FSTL4: variants seen among roughly 807,000 people sequenced by gnomAD.
FSTL4 encodes follistatin like 4, also known as follistatin-related protein 4.
FSTL4 carries 28 observed loss-of-function variants against 78.2 expected under a neutral mutation model. The observed-to-expected ratio is 0.36, with a 90% CI of 0.27 to 0.49. The LOEUF (loss-of-function observed/expected upper bound fraction) is 0.49, where lower values mean the gene tolerates loss of function less well. Ranked by LOEUF, FSTL4 falls within the 20% of genes least tolerant of loss-of-function variation. The probability of loss-of-function intolerance (pLI) is 0.98; values close to 1 mark genes in which losing one functional copy is unlikely to be tolerated. For missense variants in FSTL4, 922 were observed against 1,084.9 expected, an observed-to-expected ratio of 0.85 and a Z score of 2.11; for synonymous variants, 422 against 440.5, an observed-to-expected ratio of 0.96 and a Z score of 0.53.
chr5:133,566,421 G>C (rs1009758582), intron 3 of FSTL4, among the ~76,000 whole-genome samples: 4 of 152,144 alleles, frequency 2.6e-5, no homozygotes, highest in African/African-American at 9.7e-5. Context: ...CCACAGAGAA[G>C]GATGTGGTGA....
At chr5:133,516,669 A>G (rs1758857256) in intron 3 of FSTL4, among the ~76,000 whole-genome samples, 1 of 152,218 alleles carries the variant, frequency 6.6e-6, no homozygotes, top group Admixed American at 6.5e-5. Flanking sequence ...TCATGTGGAA[A>G]ACATTTCTAA....
At chr5:133,257,777 G>A (rs1489198958) in intron 6 of FSTL4, among the ~76,000 whole-genome samples, 1 of 152,138 alleles carries the variant, frequency 6.6e-6, no homozygotes, top group Non-Finnish European at 1.5e-5. Flanking sequence ...CCTGTGTGTG[G>A]GGTAGCCTTG....
At chr5:133,499,521 C>G (rs1758444761) in intron 3 of FSTL4, among the ~76,000 whole-genome samples, 1 of 152,082 alleles carries the variant, frequency 6.6e-6, no homozygotes, top group Admixed American at 6.5e-5. Context: ...TTGGAATTAC[C>G]AACTGCTTCC....
the FSTL4 span, among the ~76,000 whole-genome samples, chr5:133,739,461 CTG>C: frequency 6.6e-6 from 1 of 152,102 alleles, no homozygotes; most frequent in East Asian, 1.9e-4. Flanking sequence ...TTGGGAAAAT[CTG>C]TGTTTATCTC....
At chr5:133,500,812 T>C (rs1198900744) in intron 3 of FSTL4, among the ~76,000 whole-genome samples, 1 of 152,148 alleles carries the variant, frequency 6.6e-6, no homozygotes, top group Non-Finnish European at 1.5e-5. Flanking sequence ...GATGATCATA[T>C]AATAATTTAG....
intron 3 of FSTL4, among the ~76,000 whole-genome samples, chr5:133,484,464 C>T (rs896409161): frequency 6.6e-6 from 1 of 152,122 alleles, no homozygotes; most frequent in Non-Finnish European, 1.5e-5. Context: ...TCTACTAGCC[C>T]ACATGAGAGA....
intron 2 of FSTL4, among the ~76,000 whole-genome samples, chr5:133,568,733 C>T (rs1191954934): frequency 1.3e-5 from 2 of 152,192 alleles, no homozygotes; most frequent in South Asian, 4.1e-4. Context: ...CCAAACTGTT[C>T]CTCAGTAACC....
At chr5:133,738,997 TG>T in the FSTL4 span, among the ~76,000 whole-genome samples, 2 of 152,150 alleles carry the variant, frequency 1.3e-5, no homozygotes, top group Admixed American at 1.3e-4. Context: ...CTTACTAGGC[TG>T]GGGTTTACTG....
At chr5:133,765,519 G>A in the FSTL4 span, among the ~76,000 whole-genome samples, 3,954 of 152,308 alleles carry the variant, frequency 0.026, 133 homozygotes, top group African/African-American at 0.081. Context: ...CTGACCAGCT[G>A]TGACCTCAGG....
the FSTL4 span, among the ~76,000 whole-genome samples, chr5:133,773,064 T>C: frequency 6.6e-3 from 998 of 152,184 alleles, 15 homozygotes; most frequent in African/African-American, 0.023. Context: ...GTTTAATTTG[T>C]TCTAATACAG....
chr5:133,698,274 C>G, the FSTL4 span, among the ~76,000 whole-genome samples: 1 of 152,164 alleles, frequency 6.6e-6, no homozygotes, highest in Non-Finnish European at 1.5e-5. Flanking sequence ...CCAGAAGCTT[C>G]CAGAGATGGC....
chr5:133,537,094 T>C (rs991311929), intron 3 of FSTL4, among the ~76,000 whole-genome samples: 9 of 152,238 alleles, frequency 5.9e-5, no homozygotes, highest in African/African-American at 1.9e-4. Context: ...CAGCAGTGTC[T>C]TGTGCTATTT....
Position 133,199,251 on chromosome 5 carries a change from G to C in FSTL4, c.2373C>G (p.Thr791=). 6.2e-7 allele frequency: 1 copy of C among 1,613,748 alleles called. No individual in the cohort carries two copies. Among genetic ancestry groups the C allele is most frequent in the Non-Finnish European group, 8.5e-7 (1 of 1,179,706 alleles). Residue 791 remains threonine, a synonymous_variant, in exon 16 of 16, where the codon ACC becomes ACG. Coordinates refer to ENST00000265342, the MANE Select transcript of FSTL4 (RefSeq NM_015082.2). This position sits in a 1 kb window ranked among gnomAD's most constrained non-coding sequence, Gnocchi z 4.4. ...PAGPAQPWGG[T]HRIMRDSGLF... is the part of the protein sequence containing the mutation. Reference sequence around the variant, plus strand: ...GCCCACTGTCCCTCATGATTCTGTGGGTACCCCCCCAGGGCTGAGCTGGCC... The same window carrying C: ...GCCCACTGTCCCTCATGATTCTGTGCGTACCCCCCCAGGGCTGAGCTGGCC...
At chr5:133,795,678 A>T in the FSTL4 span, among the ~76,000 whole-genome samples, 1 of 152,066 alleles carries the variant, frequency 6.6e-6, no homozygotes, top group Non-Finnish European at 1.5e-5. Flanking sequence ...ATCTTAGAAG[A>T]CTCTACCGCC....
chr5:133,749,765 A>T, the FSTL4 span, among the ~76,000 whole-genome samples: 1 of 152,108 alleles, frequency 6.6e-6, no homozygotes, highest in Non-Finnish European at 1.5e-5. Context: ...GATCACTGCC[A>T]CCCTTCTCAG....
At chr5:133,407,423 G>A (rs919897692) in intron 3 of FSTL4, among the ~76,000 whole-genome samples, 1 of 152,236 alleles carries the variant, frequency 6.6e-6, no homozygotes, top group Non-Finnish European at 1.5e-5. Context: ...CCTGTATGCT[G>A]AGGTGCTTGT....
At chr5:133,207,291 A>G (rs1176733123) in intron 14 of FSTL4, among the ~76,000 whole-genome samples, 2 of 152,236 alleles carry the variant, frequency 1.3e-5, no homozygotes, top group Non-Finnish European at 2.9e-5. Context: ...TCAGCTGTTC[A>G]GCACCTACTG....
At chr5:133,444,254 A>T (rs1409693819) in intron 3 of FSTL4, among the ~76,000 whole-genome samples, 2 of 152,224 alleles carry the variant, frequency 1.3e-5, no homozygotes, top group African/African-American at 4.8e-5. Flanking sequence ...TCCCCATGGG[A>T]GGATTCGCCC....
At chr5:133,782,103 A>G in the FSTL4 span, among the ~76,000 whole-genome samples, 1 of 152,270 alleles carries the variant, frequency 6.6e-6, no homozygotes, top group African/African-American at 2.4e-5. Context: ...AACAACAGCT[A>G]TGAAAAACGG....
Sources: gnomAD v4.1 joint callset for allele counts (sites outside exome capture counted in the v4.1 genomes callset) on GRCh38, gnomAD v4.1.1 for gene constraint, Gnocchi (gnomAD v3.1) non-coding constraint, MANE v1.5 for transcripts, NCBI Gene and HGNC (gene_info 2026-07-23, HGNC 2026-07-21) for gene names.